The following ATF1 variants were observed in gnomAD, a reference collection of about 807,000 sequenced individuals.
ATF1 encodes activating transcription factor 1.
Under a neutral mutation model 34.7 loss-of-function variants are expected in ATF1, and 16 were observed. That is an observed-to-expected ratio of 0.46 (90% CI 0.31 to 0.70). The LOEUF is 0.70. Among genes scored for constraint, ATF1 ranks in the 30% least tolerant of loss-of-function variants. The probability of loss-of-function intolerance (pLI) is 0.05; values close to 1 mark genes in which losing one functional copy is unlikely to be tolerated. For missense variants in ATF1, 255 were observed against 321.6 expected, an observed-to-expected ratio of 0.79 and a Z score of 1.58; for synonymous variants, 105 against 113.1, an observed-to-expected ratio of 0.93 and a Z score of 0.46.
chr12:50,811,960 A>G (rs1941746592), intron 4 of ATF1, among the ~76,000 whole-genome samples: 1 of 152,246 alleles, frequency 6.6e-6, no homozygotes, highest in African/African-American at 2.4e-5. Flanking sequence ...GATAATGGGA[A>G]TGTTTATATC....
At chr12:50,773,030 T>G (rs113057715) in intron 1 of ATF1, among the ~76,000 whole-genome samples, 3,909 of 152,328 alleles carry the variant, frequency 0.026, 169 homozygotes, top group African/African-American at 0.089. Flanking sequence ...TTTGATGTTC[T>G]GTTCCTTTGT....
At chr12:50,769,018 A>G (rs1283584150) in intron 1 of ATF1, among the ~76,000 whole-genome samples, 1 of 152,214 alleles carries the variant, frequency 6.6e-6, no homozygotes, top group Non-Finnish European at 1.5e-5. Context: ...GTACATAATT[A>G]AAATTGCTTA....
chr12:50,772,749 G>A (rs1031073283), intron 1 of ATF1, among the ~76,000 whole-genome samples: 2 of 151,772 alleles, frequency 1.3e-5, no homozygotes, highest in African/African-American at 4.8e-5. Flanking sequence ...AGTGCGCCTA[G>A]CCTTTTTTTT....
chr12:50,790,442 C>T (rs977813322), intron 2 of ATF1, among the ~76,000 whole-genome samples: 1 of 151,892 alleles, frequency 6.6e-6, no homozygotes, highest in Non-Finnish European at 1.5e-5. Context: ...CTGGGCTTCT[C>T]TTGTCCTCCT....
At chr12:50,814,499 C>T in intron 6 of ATF1, 60 bp downstream of exon 6, 1 of 1,524,736 alleles carries the variant, frequency 6.6e-7, no homozygotes. Flanking sequence ...CACAACATAA[C>T]CAGATGTTAA....
chr12:50,768,372 C>T (rs1940690643), intron 1 of ATF1, among the ~76,000 whole-genome samples: 1 of 152,206 alleles, frequency 6.6e-6, no homozygotes, highest in Non-Finnish European at 1.5e-5. Flanking sequence ...GGCATAAAAA[C>T]TTCTAAAAGG....
At chr12:50,807,657 T>C (rs1941641373) in intron 3 of ATF1, among the ~76,000 whole-genome samples, 1 of 152,134 alleles carries the variant, frequency 6.6e-6, no homozygotes, top group Non-Finnish European at 1.5e-5. Flanking sequence ...TTGTGGATTA[T>C]TTTTTGTTGT....
At chr12:50,780,778 T>C (rs1941042612) in intron 2 of ATF1, among the ~76,000 whole-genome samples, 1 of 151,802 alleles carries the variant, frequency 6.6e-6, no homozygotes, top group African/African-American at 2.4e-5. Context: ...CTGACCAACA[T>C]GGCGAAACCC....
chr12:50,770,371 A>G (rs1940740776), intron 1 of ATF1, among the ~76,000 whole-genome samples: 2 of 152,214 alleles, frequency 1.3e-5, no homozygotes, highest in South Asian at 4.1e-4. Flanking sequence ...CAGTGCCTGT[A>G]CAGGGTTTCT....
Position 50,775,174 on chromosome 12 carries a change from G to A in ATF1, c.-6-4966G>A, listed in dbSNP as rs1466998152. On this transcript the variant is annotated intron_variant, in intron 1 of 6. Transcript: ENST00000262053. ...CCAGGCTGGTCTCGAACTCCTGGGGGACTCAAGCAATCCTCCTGCCTCAAC... is the reference window on the plus strand; with the variant it reads ...CCAGGCTGGTCTCGAACTCCTGGGGAACTCAAGCAATCCTCCTGCCTCAAC... Among the ~76,000 whole-genome samples the A allele has an allele frequency of 7.9e-5, 12 of 151,902 alleles. No individual in the cohort carries two copies. In the South Asian group the frequency reaches 2.1e-3, roughly 26 times the overall value.
chr12:50,813,585 G>T (rs1249099832), intron 4 of ATF1, among the ~76,000 whole-genome samples: 8 of 152,030 alleles, frequency 5.3e-5, no homozygotes. Flanking sequence ...AGGCTGAGGC[G>T]GGTGAATCAC....
chr12:50,809,867 C>A (rs1215207847), intron 4 of ATF1, among the ~76,000 whole-genome samples: 1 of 152,026 alleles, frequency 6.6e-6, no homozygotes, highest in African/African-American at 2.4e-5. Context: ...GAGTCTCGCT[C>A]TTGTTGCCCA....
At position 50,778,357 on chromosome 12, in the gene ATF1, C is replaced by G. The variant is rs970940681; in HGVS notation, c.-6-1783C>G. Among the ~76,000 whole-genome samples, 5 of 150,180 alleles carry G rather than the reference C, an allele frequency of 3.3e-5. No individual in the cohort carries two copies. The Admixed American group carries it at 3.4e-4, about 10-fold the overall frequency. ...TCTCCTGCCTCAGCCTCCTGAGTAG[C>G]TGGGACTGCAGGCACCTGCCCCCGT... On this transcript the variant is annotated intron_variant, in intron 1 of 6. Transcript: ENST00000262053.
At chr12:50,788,169 A>T (rs776194687) in intron 2 of ATF1, 16 of 447,662 alleles carry the variant, frequency 3.6e-5, no homozygotes, top group South Asian at 2.2e-4. Context: ...AATAAAAATT[A>T]ACTATTTTAT....
intron 2 of ATF1, among the ~76,000 whole-genome samples, chr12:50,787,069 A>G (rs1941200032): frequency 6.6e-6 from 1 of 152,248 alleles, no homozygotes; most frequent in African/African-American, 2.4e-5. Flanking sequence ...CAGTTCCTGA[A>G]TAGATGACTC....
chr12:50,819,668 A>G lies in ATF1; in HGVS notation c.705A>G (p.Lys235=). 6.2e-7 allele frequency: 1 copy of G among 1,613,350 alleles called. No homozygotes were observed. Among genetic ancestry groups the G allele is most frequent in the Non-Finnish European group, 8.5e-7 (1 of 1,179,810 alleles). Residue 235 remains lysine, a synonymous_variant, in exon 7 of 7, where the codon AAA becomes AAG. Transcript: ENST00000262053. The part of the protein sequence containing the change: ...EAARECRRKK[K]EYVKCLENRV... ...CTCGAGAATGTCGCAGAAAGAAGAAAGAATATGTGAAATGCCTGGAAAACC... is the reference window on the plus strand; with the variant it reads ...CTCGAGAATGTCGCAGAAAGAAGAAGGAATATGTGAAATGCCTGGAAAACC...
chr12:50,779,101 C>T lies in ATF1; in HGVS notation c.-6-1039C>T, dbSNP rs1360956119. The stretch of plus-strand genomic sequence containing the variant: ...CTGTAGCATGTGACAGGAGTTTCTT[C>T]CTAAGGCTGAACAATATTCCATTGT... On this transcript the variant is annotated intron_variant, in intron 1 of 6. Transcript: ENST00000262053. 2.0e-5 allele frequency among the ~76,000 whole-genome samples: 3 copies of T among 152,174 alleles called. No homozygotes were observed. The East Asian group carries it at 5.8e-4, about 29-fold the overall frequency.
intron 3 of ATF1, among the ~76,000 whole-genome samples, chr12:50,802,218 A>G (rs1036326580): frequency 2.6e-5 from 4 of 152,220 alleles, no homozygotes; most frequent in Non-Finnish European, 5.9e-5. Flanking sequence ...TGAATTTAAC[A>G]AAAGAAACAG....
At position 50,820,671 on chromosome 12, in the gene ATF1, CAAG is replaced by C. The variant is rs1376235431; in HGVS notation, c.*897_*899del. 5.6e-6 allele frequency: 1 copy of C among 177,800 alleles called. No individual in the cohort carries two copies. Among genetic ancestry groups the C allele is most frequent in the Non-Finnish European group, 1.2e-5 (1 of 82,518 alleles). 11.0% of individuals were successfully genotyped at this position (177,800 alleles called of 1,614,324 possible). A position where few individuals can be genotyped will look rare whatever the true frequency, so the allele number is the denominator to read the frequency against. On this transcript the variant is annotated 3_prime_UTR_variant, in exon 7 of 7. Coordinates refer to ENST00000262053, the MANE Select transcript of ATF1 (RefSeq NM_005171.5). The stretch of plus-strand genomic sequence containing the variant: ...CTGAAGATACATACCAAAGTTTTTC[CAAG>C]AAGATTTTATAATCAATTTAATAAT...
Sources: allele counts gnomAD v4.1 joint callset (sites outside exome capture counted in the v4.1 genomes callset), GRCh38; gene constraint gnomAD v4.1.1; transcripts MANE v1.5; gene names NCBI Gene and HGNC (gene_info 2026-07-23, HGNC 2026-07-21).